Variants in TMEM132E observed in about 807,000 individuals in gnomAD.
The protein encoded by TMEM132E is transmembrane protein 132E.
TMEM132E carries 49 observed loss-of-function variants against 78.5 expected under a neutral mutation model. The ratio of observed to expected loss-of-function variants is 0.62; its 90% CI spans 0.50 to 0.79. TMEM132E has a LOEUF of 0.79. TMEM132E is among the 30% of genes least tolerant of loss of function. The pLI is 0.00. For missense variants in TMEM132E, 1,403 were observed against 1,470.9 expected, an observed-to-expected ratio of 0.95 and a Z score of 0.75; for synonymous variants, 715 against 670.6, an observed-to-expected ratio of 1.07 and a Z score of -1.02.
chr17:34,612,460 G>A (rs1418481134), intron 1 of TMEM132E, among the ~76,000 whole-genome samples: 1 of 152,156 alleles, frequency 6.6e-6, no homozygotes, highest in African/African-American at 2.4e-5. Flanking sequence ...GTGGAGCCCC[G>A]GCAGAGCCCC....
intron 1 of TMEM132E, among the ~76,000 whole-genome samples, chr17:34,618,315 G>A (rs954750292): frequency 6.6e-6 from 1 of 152,060 alleles, no homozygotes; most frequent in Non-Finnish European, 1.5e-5. Flanking sequence ...ATAGCTCACT[G>A]CAGCCTTGAA....
In TMEM132E at chr17:34,626,579, C is replaced by G. The variant is rs1261443520; in HGVS notation, c.520C>G (p.Arg174Gly). 1.3e-6 allele frequency: 2 copies of G among 1,565,626 alleles called. No homozygotes were observed. The highest frequency in any genetic ancestry group is 1.7e-6 in the Non-Finnish European group (2 of 1,160,872). ...CCGCCTGCATGCCTTCCGGGATGCC[C>G]GGGAAGTCAAGAGCTCCTGCCGCCT... ...CVRLHAFRDA[R>G]EVKSSCRLSG... Residue 174 changes from arginine (R) to glycine (G), a missense_variant, in exon 2 of 9, where the codon CGG (arginine) becomes GGG (glycine). Coordinates refer to ENST00000631683, the MANE Select transcript of TMEM132E (RefSeq NM_001304438.2).
At chr17:34,625,213 G>A (rs1400353757) in intron 1 of TMEM132E, among the ~76,000 whole-genome samples, 1 of 152,218 alleles carries the variant, frequency 6.6e-6, no homozygotes, top group East Asian at 1.9e-4. Context: ...GAGGACAAGG[G>A]GCAGCCTGAG....
In TMEM132E at chr17:34,637,686, G is replaced by T; in HGVS notation, c.2679G>T (p.Ala893=). The T allele has an allele frequency of 1.2e-6, 2 of 1,611,340 alleles. No homozygotes were observed. The change falls in exon 9 of 9, where the codon GCG becomes GCT. Residue 893 remains alanine, a synonymous_variant. Transcript: ENST00000631683. The stretch of plus-strand genomic sequence containing the variant: ...CAGACCTGGAGATCGGCATGTACGC[G>T]CTGCTGGGCGTCTTCTGCCTCGCCA... ...GLTDLEIGMY[A]LLGVFCLAIL...
rs1024368940 is a variant in TMEM132E, at chr17:34,637,491, C to A, written c.2484C>A (p.Ser828Arg). The change falls in exon 9 of 9, where the codon AGC (serine) becomes AGA (arginine). Residue 828 changes from serine (S) to arginine (R), a missense_variant. By Grantham distance (110) the Ser-to-Arg change is moderately radical (BLOSUM62 -1). Around this residue, in one of 3 missense-constraint regions of TMEM132E, gnomAD observed 888 missense variants for 952.8 expected, o/e 0.93. Transcript: ENST00000631683. ...EDPTYDYPGPSQPGPGGGEDE... is the reference protein window; with the variant it reads ...EDPTYDYPGPRQPGPGGGEDE... The stretch of plus-strand genomic sequence containing the variant: ...CCACTTATGACTACCCGGGCCCCAG[C>A]CAACCAGGGCCCGGCGGGGGCGAGG... 26 of 1,609,014 alleles carry A rather than the reference C, an allele frequency of 1.6e-5. No homozygotes were observed. The highest frequency in any genetic ancestry group is 1.9e-5 in the Non-Finnish European group (22 of 1,178,064).
chr17:34,635,227 G>T lies in TMEM132E; in HGVS notation c.1977+140G>T, dbSNP rs1189997827. The T allele has an allele frequency of 2.0e-5, 21 of 1,027,256 alleles. No homozygotes were observed. The East Asian group carries it at 5.2e-4, about 26-fold the overall frequency. The allele number at this position is 1,027,256 out of a possible 1,614,324, so 63.6% of individuals were successfully genotyped here. A position where few individuals can be genotyped will look rare whatever the true frequency, so the allele number is the denominator to read the frequency against. ...CCTGCCCCTTGTCTGAAATTCCAAG[G>T]TCAGGCTCTTTTAGCTTCATCTTGG... On this transcript the variant is annotated intron_variant, in intron 7 of 8. Transcript: ENST00000631683.
Position 34,580,713 on chromosome 17 carries a change from G to A in TMEM132E, c.-364G>A, listed in dbSNP as rs1196056253. 2.7e-5 allele frequency: 6 copies of A among 223,296 alleles called. No homozygotes were observed. The highest frequency in any genetic ancestry group is 2.7e-4 in the East Asian group (3 of 11,174). 13.8% of individuals were successfully genotyped at this position (223,296 alleles called of 1,614,324 possible). ...AGTGAGTTCGGATTCGAGCTGGGCC[G>A]TGAGGCCGGGAGATTCAGCACTGGG... On this transcript the variant is annotated 5_prime_UTR_variant, in exon 1 of 9. It adds an upstream start codon to the 5' untranslated region. Coordinates refer to ENST00000631683, the MANE Select transcript of TMEM132E (RefSeq NM_001304438.2).
intron 5 of TMEM132E, among the ~76,000 whole-genome samples, chr17:34,632,212 G>C (rs1907368341): frequency 6.6e-6 from 1 of 152,224 alleles, no homozygotes; most frequent in Non-Finnish European, 1.5e-5. Flanking sequence ...CCATGCCAGA[G>C]AGGCCGTGGA....
At chr17:34,611,543 G>C (rs146474376) in intron 1 of TMEM132E, among the ~76,000 whole-genome samples, 8 of 152,240 alleles carry the variant, frequency 5.3e-5, no homozygotes, top group Non-Finnish European at 1.0e-4. Flanking sequence ...ATCGTGCCAA[G>C]AGAAACCAAG....
chr17:34,626,614 C>G lies in TMEM132E; in HGVS notation c.555C>G (p.Gly185=). 6.6e-7 allele frequency: 1 copy of G among 1,504,832 alleles called. No individual in the cohort carries two copies. The allele number at this position is 1,504,832 out of a possible 1,614,324, so 93.2% of individuals were successfully genotyped here. A position where few individuals can be genotyped will look rare whatever the true frequency, so the allele number is the denominator to read the frequency against. Residue 185 remains glycine, a synonymous_variant, in exon 2 of 9, where the codon GGC becomes GGG. Transcript: ENST00000631683. ...EVKSSCRLSG[G]LATCLVRAEL... ...AGAGCTCCTGCCGCCTCAGCGGGGG[C>G]CTGGCCACTTGTCTGGTGCGGGCAG...
chr17:34,629,066 C>A lies in TMEM132E; in HGVS notation c.1200C>A (p.Phe400Leu). The A allele has an allele frequency of 1.3e-6, 2 of 1,599,880 alleles. No individual in the cohort carries two copies. Among genetic ancestry groups the A allele is most frequent in the Non-Finnish European group, 1.7e-6 (2 of 1,170,884 alleles). Residue 400 changes from phenylalanine (F) to leucine (L), a missense_variant, in exon 4 of 9, where the codon TTC (phenylalanine) becomes TTA (leucine). Around this residue, in one of 3 missense-constraint regions of TMEM132E, gnomAD observed 888 missense variants for 952.8 expected, o/e 0.93. Coordinates refer to ENST00000631683, the MANE Select transcript of TMEM132E (RefSeq NM_001304438.2). ...ILQLDFEMENFTSQSVKRRIM... is the reference protein window; with the variant it reads ...ILQLDFEMENLTSQSVKRRIM... ...AGCTGGACTTTGAAATGGAGAACTT[C>A]ACCAGCCAGTCAGTCAAGCGGAGGA...
chr17:34,634,946 G>A lies in TMEM132E; in HGVS notation c.1836G>A (p.Val612=). ...CATCATCCGAGGGCACTGACCAGGTGGTCACCATGTTAGGCCCGGACTGGC... is the reference window on the plus strand; with the variant it reads ...CATCATCCGAGGGCACTGACCAGGTAGTCACCATGTTAGGCCCGGACTGGC... ...HTTSSEGTDQ[V]VTMLGPDWLV... Residue 612 remains valine, a synonymous_variant, in exon 7 of 9, where the codon GTG becomes GTA. Coordinates refer to ENST00000631683, the MANE Select transcript of TMEM132E (RefSeq NM_001304438.2). The A allele has an allele frequency of 6.2e-7, 1 of 1,614,186 alleles. No individual in the cohort carries two copies. The highest frequency in any genetic ancestry group is 1.3e-5 in the African/African-American group (1 of 75,046).
intron 1 of TMEM132E, among the ~76,000 whole-genome samples, chr17:34,625,354 G>A (rs190507385): frequency 6.6e-6 from 1 of 152,138 alleles, no homozygotes; most frequent in African/African-American, 2.4e-5. Context: ...TGGCCAAAGG[G>A]AGAAGGGAGA....
In TMEM132E at chr17:34,613,725, C is replaced by T. The variant is rs200864427; in HGVS notation, c.68-12402C>T. 8.5e-5 allele frequency among the ~76,000 whole-genome samples: 13 copies of T among 152,068 alleles called. No homozygotes were observed. The East Asian group carries it at 1.7e-3, about 20-fold the overall frequency. On this transcript the variant is annotated intron_variant, in intron 1 of 8. Coordinates refer to ENST00000631683, the MANE Select transcript of TMEM132E (RefSeq NM_001304438.2). ...CCTTATTGCGGGGGTCTCTCTCCCT[C>T]CCCCAGCCCTCCATGGGTAGGTAGC...
At chr17:34,598,911 G>C (rs754355678) in intron 1 of TMEM132E, among the ~76,000 whole-genome samples, 11 of 152,310 alleles carry the variant, frequency 7.2e-5, no homozygotes, top group Non-Finnish European at 1.3e-4. Flanking sequence ...GAGCGATCCA[G>C]TCCAGCCCCT....
intron 5 of TMEM132E, among the ~76,000 whole-genome samples, chr17:34,631,297 C>T (rs749454513): frequency 7.9e-5 from 12 of 152,050 alleles, no homozygotes; most frequent in Non-Finnish European, 1.3e-4. Flanking sequence ...CTGGAACCCC[C>T]GCTCCACTGC....
At chr17:34,633,982 A>G (rs1321286447) in intron 6 of TMEM132E, among the ~76,000 whole-genome samples, 1 of 152,198 alleles carries the variant, frequency 6.6e-6, no homozygotes, top group Non-Finnish European at 1.5e-5. Flanking sequence ...CCATCTCCGT[A>G]TCTGTAAAAT....
chr17:34,634,108 C>T (rs558078486), intron 6 of TMEM132E, among the ~76,000 whole-genome samples: 1 of 152,322 alleles, frequency 6.6e-6, no homozygotes, highest in South Asian at 2.1e-4. Flanking sequence ...AGTACACTAA[C>T]AAAGCACTAG....
chr17:34,608,208 A>G (rs919811308), intron 1 of TMEM132E, among the ~76,000 whole-genome samples: 1 of 152,242 alleles, frequency 6.6e-6, no homozygotes, highest in Non-Finnish European at 1.5e-5. Flanking sequence ...CCTATCACTC[A>G]GAAATTCTGA....
Sources: allele counts gnomAD v4.1 joint callset (sites outside exome capture counted in the v4.1 genomes callset), GRCh38; gene constraint gnomAD v4.1.1; regional missense constraint gnomAD v4.1.1; transcripts MANE v1.5; gene names NCBI Gene and HGNC (gene_info 2026-07-23, HGNC 2026-07-21).